NR3C1: variants seen among roughly 807,000 people sequenced by gnomAD.
NR3C1 encodes the protein glucocorticoid receptor.
Under a neutral mutation model 74.0 loss-of-function variants are expected in NR3C1, and 14 were observed. The ratio of observed to expected loss-of-function variants is 0.19; its 90% CI spans 0.12 to 0.30. NR3C1 has a LOEUF of 0.30. NR3C1 is among the 10% of genes least tolerant of loss of function. NR3C1 has a pLI of 1.00. For synonymous variants in NR3C1, 308 were observed against 332.5 expected (o/e 0.93, Z 0.80); for missense variants, 695 against 909.8 (o/e 0.76, Z 3.04).
chr5:143,435,510 C>A, exon 1 of NR3C1: 1 of 985,442 alleles, frequency 1.0e-6, no homozygotes, highest in African/African-American at 1.7e-5. Context: ...CCTTACATAA[C>A]CTGACCACAC....
chr5:143,400,733 C>T lies in NR3C1; in HGVS notation c.107G>A (p.Gly36Glu), dbSNP rs750532455. Residue 36 changes from glycine (G) to glutamate (E), a missense_variant, in exon 2 of 9, where the codon GGA becomes GAA. Around this residue, in one of 4 missense-constraint regions of NR3C1, gnomAD observed 497 missense variants for 489.5 expected, o/e 1.02. Transcript: ENST00000394464. Reference protein sequence around the residue: ...VMDFYKTLRGGATVKVSASSP... With the variant: ...VMDFYKTLRGEATVKVSASSP... Reference sequence around the variant, plus strand: ...AGACGCAGAAACCTTCACAGTAGCTCCTCCTCTTAGGGTTTTATAGAAGTC... The same window carrying T: ...AGACGCAGAAACCTTCACAGTAGCTTCTCCTCTTAGGGTTTTATAGAAGTC... The T allele has an allele frequency of 3.1e-6, 5 of 1,614,204 alleles. No homozygotes were observed. The highest frequency in any genetic ancestry group is 4.2e-6 in the Non-Finnish European group (5 of 1,180,042).
intron 2 of NR3C1, among the ~76,000 whole-genome samples, chr5:143,363,560 G>A (rs879737849): frequency 4.2e-5 from 6 of 142,044 alleles, no homozygotes; most frequent in African/African-American, 8.0e-5. Flanking sequence ...GTGACAGAGC[G>A]AGACTCCATC....
At chr5:143,352,468 T>C (rs542607327) in intron 2 of NR3C1, among the ~76,000 whole-genome samples, 16 of 152,336 alleles carry the variant, frequency 1.1e-4, no homozygotes, top group African/African-American at 3.6e-4. Flanking sequence ...GAGAAAAACA[T>C]TTTCATCCAT....
chr5:143,334,173 G>A (rs1413252539), intron 2 of NR3C1, among the ~76,000 whole-genome samples: 1 of 152,106 alleles, frequency 6.6e-6, no homozygotes, highest in Non-Finnish European at 1.5e-5. Context: ...CCTGAGGTTG[G>A]GAGTTCGAGA....
chr5:143,299,446 A>T (rs1818025223), intron 5 of NR3C1, among the ~76,000 whole-genome samples: 1 of 151,988 alleles, frequency 6.6e-6, no homozygotes, highest in Non-Finnish European at 1.5e-5. Flanking sequence ...GTTACCAGTG[A>T]CCGGGAAAGA....
chr5:143,363,660 A>G (rs1832684366), intron 2 of NR3C1, among the ~76,000 whole-genome samples: 1 of 152,206 alleles, frequency 6.6e-6, no homozygotes, highest in Non-Finnish European at 1.5e-5. Context: ...AAAGGAAAGT[A>G]TAAAACAGTA....
chr5:143,329,205 A>C (rs1363018194), intron 2 of NR3C1, among the ~76,000 whole-genome samples: 1 of 152,220 alleles, frequency 6.6e-6, no homozygotes, highest in Non-Finnish European at 1.5e-5. Flanking sequence ...AAAGTCTTAC[A>C]TGGTGGCAGG....
intron 1 of NR3C1, among the ~76,000 whole-genome samples, chr5:143,412,663 A>C (rs182212412): frequency 2.0e-5 from 3 of 152,270 alleles, no homozygotes; most frequent in African/African-American, 7.2e-5. Flanking sequence ...ATAACCTACA[A>C]TCTATATTCC....
intron 2 of NR3C1, among the ~76,000 whole-genome samples, chr5:143,344,656 T>C (rs182731616): frequency 1.3e-4 from 20 of 152,320 alleles, no homozygotes; most frequent in Non-Finnish European, 2.4e-4. Flanking sequence ...GTGGATCACC[T>C]GAGGTCAGGA....
At chr5:143,362,754 T>C (rs1832513971) in intron 2 of NR3C1, among the ~76,000 whole-genome samples, 1 of 152,202 alleles carries the variant, frequency 6.6e-6, no homozygotes, top group Non-Finnish European at 1.5e-5. Context: ...AACTTAGAAC[T>C]GGCTTAGTGC....
chr5:143,423,669 C>A (rs1383626905), intron 1 of NR3C1, among the ~76,000 whole-genome samples: 2 of 152,118 alleles, frequency 1.3e-5, no homozygotes, highest in Non-Finnish European at 2.9e-5. Context: ...CCCATGTTTA[C>A]CGCAGCACTA....
In NR3C1 at chr5:143,349,226, C is replaced by T. The variant is rs367694770; in HGVS notation, c.1185-35058G>A. 4.6e-5 allele frequency among the ~76,000 whole-genome samples: 7 copies of T among 152,272 alleles called. No homozygotes were observed. The East Asian group carries it at 1.2e-3, about 25-fold the overall frequency. On this transcript the variant is annotated intron_variant, in intron 2 of 8. Coordinates refer to ENST00000394464, the MANE Select transcript of NR3C1 (RefSeq NM_000176.3). ...TTCCCCAAGGATATCATTTTCCTTA[C>T]AACACTATCTGATGATGGCTGTTCC...
intron 7 of NR3C1, among the ~76,000 whole-genome samples, chr5:143,287,716 TCAG>T (rs1190631123): frequency 6.6e-6 from 1 of 152,132 alleles, no homozygotes; most frequent in African/African-American, 2.4e-5. Context: ...AAGTTGTAGA[TCAG>T]CATCCTTCAT....
chr5:143,292,781 T>C (rs1275525358), intron 7 of NR3C1, among the ~76,000 whole-genome samples: 11 of 152,136 alleles, frequency 7.2e-5, no homozygotes, highest in Admixed American at 2.0e-4. Context: ...CAAATTGCCA[T>C]AGTCTTCCTG....
rs770730144 is a variant in NR3C1, at chr5:143,282,598, T to C, written c.2151A>G (p.Gln717=). The C allele has an allele frequency of 8.7e-6, 14 of 1,613,878 alleles. No individual in the cohort carries two copies. The highest frequency in any genetic ancestry group is 5.3e-5 in the African/African-American group (4 of 74,920). The change falls in exon 8 of 9, where the codon CAA becomes CAG. Residue 717 remains glutamine, a synonymous_variant. Transcript: ENST00000394464. ...NSSQNWQRFY[Q]LTKLLDSMHE... ...GCATAGAATCCAAGAGTTTTGTCAG[T>C]TGATAAAACCGCTGCCAGTTCTGGC...
chr5:143,376,157 C>T (rs1012114335), intron 2 of NR3C1, among the ~76,000 whole-genome samples: 1 of 152,070 alleles, frequency 6.6e-6, no homozygotes, highest in African/African-American at 2.4e-5. Flanking sequence ...ATACACCTTG[C>T]ATAATCACAA....
chr5:143,317,534 T>C lies in NR3C1; in HGVS notation c.1185-3366A>G, dbSNP rs1822400844. 1.3e-5 allele frequency among the ~76,000 whole-genome samples: 2 copies of C among 152,158 alleles called. 1 individual carries two copies. The highest frequency in any genetic ancestry group is 1.3e-4 in the Admixed American group (2 of 15,274). On this transcript the variant is annotated intron_variant, in intron 2 of 8. Coordinates refer to ENST00000394464, the MANE Select transcript of NR3C1 (RefSeq NM_000176.3). ...AACAAAATGCCTTGTTCCAGGTGAA[T>C]ACCTGAATGCTGGTGGTTCCCAATC...
rs79570071 is a variant in NR3C1 at position 143,325,769 on chromosome 5, C to G, written c.1185-11601G>C. On this transcript the variant is annotated intron_variant, in intron 2 of 8. Transcript: ENST00000394464. Reference sequence around the variant, plus strand: ...CAAGCATACACTAGGGGTTTTGGAACCTATCCTCCATGAATAAGGGGTGGG... The same window carrying G: ...CAAGCATACACTAGGGGTTTTGGAAGCTATCCTCCATGAATAAGGGGTGGG... Among the ~76,000 whole-genome samples the G allele has an allele frequency of 7.8e-4, 119 of 152,148 alleles. 1 individual carries two copies. The East Asian group carries it at 0.021, about 27-fold the overall frequency.
chr5:143,397,751 G>A (rs938356091), intron 2 of NR3C1, among the ~76,000 whole-genome samples: 1 of 151,726 alleles, frequency 6.6e-6, no homozygotes, highest in Non-Finnish European at 1.5e-5. Flanking sequence ...AAGGTTATGG[G>A]ACCCAAATTA....
Sources: allele counts gnomAD v4.1 joint callset (sites outside exome capture counted in the v4.1 genomes callset), GRCh38; gene constraint gnomAD v4.1.1; regional missense constraint gnomAD v4.1.1; transcripts MANE v1.5; gene names NCBI Gene and HGNC (gene_info 2026-07-23, HGNC 2026-07-21).